The following DPP10 variants were observed in gnomAD, a reference collection of about 807,000 sequenced individuals.
DPP10 encodes the protein dipeptidyl peptidase like 10, also known as inactive dipeptidyl peptidase 10.
Under a neutral mutation model 120.9 loss-of-function variants are expected in DPP10, and 33 were observed. The observed-to-expected ratio is 0.27, with a 90% confidence interval of 0.21 to 0.37. The LOEUF (loss-of-function observed/expected upper bound fraction) is 0.37. DPP10 is among the 10% of genes least tolerant of loss of function. The pLI is 1.00. For missense variants in DPP10, 816 were observed against 942.8 expected, an observed-to-expected ratio of 0.87 and a Z score of 1.76; for synonymous variants, 337 against 326.1, an observed-to-expected ratio of 1.03 and a Z score of -0.36.
intron 1 of DPP10, among the ~76,000 whole-genome samples, chr2:114,793,928 A>T (rs187259241): frequency 1.3e-5 from 2 of 152,198 alleles, no homozygotes; most frequent in South Asian, 4.1e-4. Flanking sequence ...GAGCAAATAC[A>T]ATACCTCTTT....
intron 3 of DPP10, among the ~76,000 whole-genome samples, chr2:115,391,550 G>A (rs999498576): frequency 2.0e-5 from 3 of 151,944 alleles, no homozygotes; most frequent in Non-Finnish European, 2.9e-5. Flanking sequence ...CTCTATAATC[G>A]TCATCAGCTA....
intron 10 of DPP10, among the ~76,000 whole-genome samples, chr2:115,749,194 A>G (rs959452508): frequency 1.3e-5 from 2 of 152,194 alleles, no homozygotes; most frequent in African/African-American, 4.8e-5. Context: ...TTAAGTGTGA[A>G]TTTTAAAATA....
Position 115,506,660 on chromosome 2 carries a change from G to A in DPP10, c.366+7056G>A, listed in dbSNP as rs138700650. 3.5e-3 allele frequency among the ~76,000 whole-genome samples: 530 copies of A among 152,072 alleles called. 2 individuals carry two copies. The highest frequency in any genetic ancestry group is 0.012 in the African/African-American group (493 of 41,496). On this transcript the variant is annotated intron_variant, in intron 4 of 25. Transcript: ENST00000410059. ...AGATGCTTGAATTAAATATATGTAT[G>A]TTTGTATGTATTTATTCATATGTTC...
chr2:115,258,578 A>G (rs928399823), intron 1 of DPP10, among the ~76,000 whole-genome samples: 2 of 152,218 alleles, frequency 1.3e-5, no homozygotes, highest in African/African-American at 2.4e-5. Flanking sequence ...TAATAAATAA[A>G]CATGCATTCA....
At position 115,427,425 on chromosome 2, in the gene DPP10, C is replaced by T. The variant is rs1365507123; in HGVS notation, c.272-72085C>T. On this transcript the variant is annotated intron_variant, in intron 3 of 25. Transcript: ENST00000410059. ...CTAGGGTGAGGTTGCCAAACCTTCA[C>T]TCTCGCAGGGTGCATGCCTACAGGC... is the stretch of plus-strand genomic sequence containing the variant. 2.0e-5 allele frequency among the ~76,000 whole-genome samples: 3 copies of T among 152,228 alleles called. No individual in the cohort carries two copies. In the East Asian group the frequency reaches 5.8e-4, roughly 29 times the overall value.
At chr2:114,731,772 A>G (rs1353582551) in intron 1 of DPP10, among the ~76,000 whole-genome samples, 1 of 152,176 alleles carries the variant, frequency 6.6e-6, no homozygotes, top group African/African-American at 2.4e-5. Context: ...AATGAGCACC[A>G]ATGAGAAGGT....
chr2:114,794,879 A>C (rs760403135), intron 1 of DPP10, among the ~76,000 whole-genome samples: 1 of 152,214 alleles, frequency 6.6e-6, no homozygotes, highest in South Asian at 2.1e-4. Flanking sequence ...GAATGATGAA[A>C]TGGATTAATA....
At chr2:115,192,519 G>C (rs2054959060) in intron 1 of DPP10, among the ~76,000 whole-genome samples, 1 of 152,162 alleles carries the variant, frequency 6.6e-6, no homozygotes, top group Non-Finnish European at 1.5e-5. Context: ...ACCTCATAAG[G>C]GGTTTGGATA....
intron 5 of DPP10, among the ~76,000 whole-genome samples, chr2:115,593,024 A>G (rs571132983): frequency 2.0e-4 from 31 of 152,206 alleles, no homozygotes; most frequent in Non-Finnish European, 1.9e-4. Context: ...TTGCTTTGGT[A>G]GAATTTGTGT....
intron 1 of DPP10, among the ~76,000 whole-genome samples, chr2:114,928,216 G>A (rs1695784140): frequency 6.6e-6 from 1 of 152,142 alleles, no homozygotes; most frequent in Non-Finnish European, 1.5e-5. Flanking sequence ...CAACTCAAAA[G>A]CTCACGTTCC....
chr2:114,604,622 C>T (rs1269902890), intron 1 of DPP10, among the ~76,000 whole-genome samples: 1 of 152,090 alleles, frequency 6.6e-6, no homozygotes, highest in Non-Finnish European at 1.5e-5. Context: ...GTTGATTGAT[C>T]AGCCTTTTTT....
intron 1 of DPP10, among the ~76,000 whole-genome samples, chr2:115,242,200 AT>A (rs1385981297): frequency 6.6e-6 from 1 of 152,088 alleles, no homozygotes; most frequent in Non-Finnish European, 1.5e-5. Context: ...TATCATTCTT[AT>A]GTCTTTGCAT....
At chr2:115,270,993 T>C (rs112629013) in intron 1 of DPP10, among the ~76,000 whole-genome samples, 8,398 of 152,300 alleles carry the variant, frequency 0.055, 307 homozygotes, top group Middle Eastern at 0.1. Flanking sequence ...AAATTAATCA[T>C]TGATATATTT....
intron 3 of DPP10, among the ~76,000 whole-genome samples, chr2:115,497,373 C>A (rs2076454772): frequency 6.6e-6 from 1 of 152,030 alleles, no homozygotes; most frequent in Admixed American, 6.6e-5. Context: ...AGACAGCCAG[C>A]CTACGAGCCT....
chr2:114,704,066 A>C (rs1451505533), intron 1 of DPP10, among the ~76,000 whole-genome samples: 2 of 152,172 alleles, frequency 1.3e-5, no homozygotes, highest in Non-Finnish European at 2.9e-5. Flanking sequence ...TCATCAGGGC[A>C]ACAGGGCAAG....
In DPP10 at chr2:114,511,029, T is replaced by A. The variant is rs146987799; in HGVS notation, c.60+68191T>A. On this transcript the variant is annotated intron_variant, in intron 1 of 25. Coordinates refer to ENST00000410059, the MANE Select transcript of DPP10 (RefSeq NM_020868.6). ...TTCAGGGATGATGGGTATCCCCGGA[T>A]CCTAAGGCCTAGTGAATGGTCTCTT... is the stretch of plus-strand genomic sequence containing the variant. 1.8e-4 allele frequency among the ~76,000 whole-genome samples: 28 copies of A among 152,340 alleles called. No homozygotes were observed. The East Asian group carries it at 4.8e-3, about 26-fold the overall frequency.
chr2:115,168,029 A>C (rs2053034760), intron 1 of DPP10, among the ~76,000 whole-genome samples: 1 of 150,520 alleles, frequency 6.6e-6, no homozygotes. Flanking sequence ...GAAATATGTC[A>C]GGGGGTGAGA....
chr2:115,373,891 G>C (rs889599038), intron 3 of DPP10, among the ~76,000 whole-genome samples: 2 of 151,250 alleles, frequency 1.3e-5, no homozygotes, highest in African/African-American at 4.9e-5. Flanking sequence ...GCAGAAGAGA[G>C]AGAGAGAGAG....
chr2:114,912,605 G>T (rs1326062982), intron 1 of DPP10, among the ~76,000 whole-genome samples: 3 of 151,972 alleles, frequency 2.0e-5, no homozygotes, highest in Admixed American at 2.0e-4. Flanking sequence ...TGAAAAGAAG[G>T]CATTGAGAGT....
Sources: gnomAD v4.1 joint callset for allele counts (sites outside exome capture counted in the v4.1 genomes callset) on GRCh38, gnomAD v4.1.1 for gene constraint, MANE v1.5 for transcripts, NCBI Gene and HGNC (gene_info 2026-07-23, HGNC 2026-07-21) for gene names.